The following ROBO2 variants were observed in gnomAD, a reference collection of about 807,000 sequenced individuals.
ROBO2 encodes the protein roundabout guidance receptor 2, also known as roundabout homolog 2.
In ROBO2, 53 loss-of-function variants were observed where a neutral mutation model predicts 160.8. That is an observed-to-expected ratio of 0.33 (90% CI 0.26 to 0.41). ROBO2 has a LOEUF of 0.41. Ranked by LOEUF, ROBO2 falls within the 10% of genes least tolerant of loss-of-function variation. The probability of loss-of-function intolerance (pLI) is 1.00; values close to 1 mark genes in which losing one functional copy is unlikely to be tolerated. For missense variants in ROBO2, 1,577 were observed against 1,722.4 expected, an observed-to-expected ratio of 0.92 and a Z score of 1.49; for synonymous variants, 664 against 611.7, an observed-to-expected ratio of 1.09 and a Z score of -1.26.
chr3:76,356,596 G>A (rs2075182750), intron 2 of ROBO2, among the ~76,000 whole-genome samples: 2 of 151,576 alleles, frequency 1.3e-5, no homozygotes, highest in Non-Finnish European at 3.0e-5. Context: ...AAAATATAAC[G>A]ATGCTAAGCA....
chr3:76,582,932 T>C (rs1286804039), intron 2 of ROBO2, among the ~76,000 whole-genome samples: 2 of 150,916 alleles, frequency 1.3e-5, no homozygotes, highest in Non-Finnish European at 2.9e-5. Context: ...CTTTGCTACA[T>C]AGAGAGAACA....
At chr3:75,993,311 C>T (rs1159553865) in intron 2 of ROBO2, among the ~76,000 whole-genome samples, 1 of 152,096 alleles carries the variant, frequency 6.6e-6, no homozygotes. Flanking sequence ...GTGCTGTTCT[C>T]ATAATAGTGA....
intron 2 of ROBO2, among the ~76,000 whole-genome samples, chr3:77,200,151 T>C (rs536069318): frequency 6.7e-6 from 1 of 150,120 alleles, no homozygotes; most frequent in Admixed American, 6.7e-5. Flanking sequence ...AGATTGCATT[T>C]GGAAGGTGTT....
chr3:76,722,544 A>G (rs1488884500), intron 2 of ROBO2, among the ~76,000 whole-genome samples: 2 of 152,132 alleles, frequency 1.3e-5, no homozygotes, highest in East Asian at 3.9e-4. Flanking sequence ...CATCATCATA[A>G]CCTAATTTTA....
chr3:77,531,451 A>G (rs1373297566), intron 6 of ROBO2, among the ~76,000 whole-genome samples: 1 of 151,778 alleles, frequency 6.6e-6, no homozygotes, highest in Non-Finnish European at 1.5e-5. Context: ...TAAATATACT[A>G]TTTTAGAAAG....
intron 2 of ROBO2, among the ~76,000 whole-genome samples, chr3:76,332,729 T>G (rs1185824458): frequency 6.6e-6 from 1 of 152,186 alleles, no homozygotes; most frequent in Non-Finnish European, 1.5e-5. Flanking sequence ...TTTCCACCTC[T>G]GTGGCCACAT....
intron 2 of ROBO2, among the ~76,000 whole-genome samples, chr3:76,223,546 A>G (rs1262376685): frequency 1.3e-5 from 2 of 152,160 alleles, no homozygotes; most frequent in Non-Finnish European, 2.9e-5. Context: ...GGAGCTTTCC[A>G]GACATCCCCA....
intron 2 of ROBO2, among the ~76,000 whole-genome samples, chr3:76,677,184 G>A (rs997977122): frequency 2.0e-5 from 3 of 151,922 alleles, no homozygotes; most frequent in Non-Finnish European, 4.4e-5. Flanking sequence ...GTGTACCCAG[G>A]GGAAATCTAG....
At position 77,637,122 on chromosome 3, in the gene ROBO2, C is replaced by T. The variant is rs1430455407; in HGVS notation, c.3934+2079C>T. 3.3e-5 allele frequency among the ~76,000 whole-genome samples: 5 copies of T among 152,228 alleles called. No homozygotes were observed. The East Asian group carries it at 9.7e-4, about 29-fold the overall frequency. ...ATCTGGAAAGCTCTTAAAATATACC[C>T]TAGATATTCAGATTTAATTATTCTG... On this transcript the variant is annotated intron_variant, in intron 24 of 25. Coordinates refer to ENST00000461745, the Ensembl canonical transcript of ROBO2.
intron 2 of ROBO2, chr3:77,316,979 C>G: frequency 6.8e-6 from 10 of 1,478,262 alleles, no homozygotes; most frequent in Non-Finnish European, 9.5e-6. Flanking sequence ...GCTGTCCAGA[C>G]GAGATTGACA....
intron 4 of ROBO2, among the ~76,000 whole-genome samples, chr3:77,487,993 A>T (rs1316280153): frequency 6.6e-6 from 1 of 152,162 alleles, no homozygotes; most frequent in Non-Finnish European, 1.5e-5. Context: ...GTAACTTAAG[A>T]GATACTATGC....
chr3:77,588,738 G>GT lies in ROBO2; in HGVS notation c.2501-7dup, dbSNP rs557277793. ...CGTTTTAATATATACTAATACTATG[G>GT]TTTTTTCCATAGGGAGACGCAATGA... On this transcript the variant is annotated splice_polypyrimidine_tract_variant and intron_variant, in intron 16 of 25. Transcript: ENST00000461745. 2.0e-4 allele frequency: 326 copies of GT among 1,611,886 alleles called. No individual in the cohort carries two copies. In the African/African-American group the frequency reaches 3.7e-3, roughly 18 times the overall value.
chr3:76,754,583 A>G (rs1285027455), intron 2 of ROBO2, among the ~76,000 whole-genome samples: 1 of 151,956 alleles, frequency 6.6e-6, no homozygotes, highest in Non-Finnish European at 1.5e-5. Context: ...ACTTGTGGTA[A>G]TACTGTTTCT....
Position 76,243,410 on chromosome 3 carries a change from G to A in ROBO2, c.109+305808G>A, listed in dbSNP as rs1705422691. The stretch of plus-strand genomic sequence containing the variant: ...TCATGTGGTATTTTGTTTTGTCTTG[G>A]TAAAGTATAAGGAAAGAGAAAGCAA... On this transcript the variant is annotated intron_variant, in intron 2 of 26. Transcript: ENST00000487694. Among the ~76,000 whole-genome samples, 3 of 152,132 alleles carry A rather than the reference G, an allele frequency of 2.0e-5. No homozygotes were observed. In the South Asian group the frequency reaches 6.2e-4, roughly 32 times the overall value.
At chr3:76,392,769 A>G (rs1221724637) in intron 2 of ROBO2, among the ~76,000 whole-genome samples, 1 of 152,180 alleles carries the variant, frequency 6.6e-6, no homozygotes, top group Non-Finnish European at 1.5e-5. Context: ...ATTTAAATCT[A>G]CCAAGTTCTA....
At chr3:77,450,283 G>T (rs942256070) in intron 2 of ROBO2, among the ~76,000 whole-genome samples, 1 of 152,052 alleles carries the variant, frequency 6.6e-6, no homozygotes, top group Non-Finnish European at 1.5e-5. Context: ...ATGACATGTT[G>T]ATCACGCAGC....
Position 76,836,246 on chromosome 3 carries a change from G to A in ROBO2, c.110-261768G>A, listed in dbSNP as rs143844011. Among the ~76,000 whole-genome samples, 401 of 151,842 alleles carry A rather than the reference G, an allele frequency of 2.6e-3. 3 individuals carry two copies. The highest frequency in any genetic ancestry group is 9.1e-3 in the African/African-American group (378 of 41,458). ...GATTACTACTTCCTTAATGTAGGAC[G>A]TTCCTATCAATTGAAAAAATGTTTG... is the stretch of plus-strand genomic sequence containing the variant. On this transcript the variant is annotated intron_variant, in intron 2 of 26. Coordinates refer to the ROBO2 transcript ENST00000487694.
At chr3:76,952,011 A>G (rs2078986513) in intron 2 of ROBO2, among the ~76,000 whole-genome samples, 1 of 152,222 alleles carries the variant, frequency 6.6e-6, no homozygotes, top group South Asian at 2.1e-4. Flanking sequence ...CCGTGACTAC[A>G]TATCTTTAGT....
chr3:76,926,073 G>A (rs2076972213), intron 2 of ROBO2, among the ~76,000 whole-genome samples: 1 of 152,108 alleles, frequency 6.6e-6, no homozygotes, highest in East Asian at 1.9e-4. Flanking sequence ...ACTCCTATCT[G>A]GGAATTTTGG....
Sources: gnomAD v4.1 joint callset for allele counts (sites outside exome capture counted in the v4.1 genomes callset) on GRCh38, gnomAD v4.1.1 for gene constraint, MANE v1.5 for transcripts, NCBI Gene and HGNC (gene_info 2026-07-23, HGNC 2026-07-21) for gene names.